The following VAV2 variants were observed in gnomAD, a reference collection of about 807,000 sequenced individuals.
VAV2 encodes guanine nucleotide exchange factor VAV2.
Under a neutral mutation model 132.5 loss-of-function variants are expected in VAV2, and 67 were observed. The ratio of observed to expected loss-of-function variants is 0.51; its 90% CI spans 0.42 to 0.62. VAV2 has a LOEUF of 0.62. Among genes scored for constraint, VAV2 ranks in the 20% least tolerant of loss-of-function variants. VAV2 has a pLI of 0.00. For synonymous variants in VAV2, 492 were observed against 443.5 expected (o/e 1.11, Z -1.37); for missense variants, 938 against 1,153.6 (o/e 0.81, Z 2.71).
At chr9:133,786,683 C>T (rs1834239543) in intron 16 of VAV2, among the ~76,000 whole-genome samples, 1 of 152,246 alleles carries the variant, frequency 6.6e-6, no homozygotes, top group South Asian at 2.1e-4. Flanking sequence ...CCCGACTGAG[C>T]AACCCACAAC....
chr9:133,900,428 T>G (rs1839395292), intron 2 of VAV2, among the ~76,000 whole-genome samples: 1 of 152,120 alleles, frequency 6.6e-6, no homozygotes. Flanking sequence ...CCCTTTCCCC[T>G]AAAGCCAGTC....
chr9:133,922,510 C>T (rs1333150512), intron 2 of VAV2, among the ~76,000 whole-genome samples: 2 of 152,196 alleles, frequency 1.3e-5, no homozygotes, highest in Admixed American at 6.5e-5. Context: ...GCTGCCAACC[C>T]GCAGGCTGTA....
intron 8 of VAV2, among the ~76,000 whole-genome samples, chr9:133,806,922 G>C (rs1835170539): frequency 6.6e-6 from 1 of 152,250 alleles, no homozygotes; most frequent in African/African-American, 2.4e-5. Flanking sequence ...CCGCAGGGCA[G>C]GCGAGGGGGT....
rs1258996994 is a variant in VAV2, at chr9:133,961,418, G to A, written c.205-22199C>T. Among the ~76,000 whole-genome samples, 3 of 152,172 alleles carry A rather than the reference G, an allele frequency of 2.0e-5. No homozygotes were observed. Among genetic ancestry groups the A allele is most frequent in the African/African-American group, 7.2e-5 (3 of 41,430 alleles). The stretch of plus-strand genomic sequence containing the variant: ...CAGGCTTCTGATGGGAACGGAGGTT[G>A]GGAACACCAGCATCTGGGGCTGCAG... On this transcript the variant is annotated intron_variant, in intron 1 of 29. Transcript: ENST00000371850. This position sits in a 1 kb window ranked among gnomAD's most constrained non-coding sequence, Gnocchi z 4.1.
chr9:133,862,221 A>G (rs1393041625), intron 2 of VAV2, among the ~76,000 whole-genome samples: 2 of 152,246 alleles, frequency 1.3e-5, no homozygotes, highest in Non-Finnish European at 2.9e-5. Context: ...AAAGCCCAAC[A>G]CAGCCACTCC....
rs1416372712 is a variant in VAV2 at position 133,796,424 on chromosome 9, C to T, written c.1032+5G>A. 6.2e-7 allele frequency: 1 copy of T among 1,612,422 alleles called. No individual in the cohort carries two copies. Among genetic ancestry groups the T allele is most frequent in the African/African-American group, 1.3e-5 (1 of 74,898 alleles). On this transcript the variant is annotated splice_donor_5th_base_variant and intron_variant, in intron 11 of 29. Transcript: ENST00000371850. Reference sequence around the variant, plus strand: ...CCCGCAGGCACCCGGGGCCCAGAGCCTCACCTTCAAGAGCAGGTGGTATTT... The same window carrying T: ...CCCGCAGGCACCCGGGGCCCAGAGCTTCACCTTCAAGAGCAGGTGGTATTT...
intron 15 of VAV2, 123 bp from the exon 16 acceptor site, chr9:133,787,383 C>A: frequency 8.6e-7 from 1 of 1,166,076 alleles, no homozygotes. Flanking sequence ...CCCCCAGTGC[C>A]CAGGCTGGGG....
At chr9:133,987,444 T>C (rs1193644249) in intron 1 of VAV2, among the ~76,000 whole-genome samples, 1 of 152,220 alleles carries the variant, frequency 6.6e-6, no homozygotes. Flanking sequence ...AGAGAAGGTC[T>C]TCCAGCAATG....
intron 15 of VAV2, 30 bp from the exon 16 acceptor site, chr9:133,787,290 A>T: frequency 6.4e-7 from 1 of 1,569,880 alleles, no homozygotes; most frequent in South Asian, 1.2e-5. Flanking sequence ...GAGGAAGGGG[A>T]AGACGGTCAG....
Position 133,826,821 on chromosome 9 carries a change from G to A in VAV2, c.449+7451C>T, listed in dbSNP as rs1836006464. On this transcript the variant is annotated intron_variant, in intron 4 of 29. Coordinates refer to ENST00000371850, the MANE Select transcript of VAV2 (RefSeq NM_001134398.2). The surrounding 1 kb of genome is among the most constrained non-coding windows in gnomAD (Gnocchi z 4.2). ...CCGGCACCACGGGAGGGAGGGCAGA[G>A]GCAGGCGGCCTGGCCCTGCTGGGGA... is the stretch of plus-strand genomic sequence containing the variant. 6.6e-6 allele frequency among the ~76,000 whole-genome samples: 1 copy of A among 152,214 alleles called. No homozygotes were observed. The highest frequency in any genetic ancestry group is 1.5e-5 in the Non-Finnish European group (1 of 68,034).
At chr9:133,979,533 T>C (rs1218499124) in intron 1 of VAV2, among the ~76,000 whole-genome samples, 1 of 152,032 alleles carries the variant, frequency 6.6e-6, no homozygotes, top group Non-Finnish European at 1.5e-5. Flanking sequence ...GGACAGAGGA[T>C]GTTGACAGGG....
chr9:133,896,104 G>T (rs1839190945), intron 2 of VAV2, among the ~76,000 whole-genome samples: 1 of 83,214 alleles, frequency 1.2e-5, no homozygotes, highest in Admixed American at 1.1e-4. Context: ...GTGTCCCTGG[G>T]TACTTAAGAT....
At chr9:133,861,669 G>A (rs1837601788) in intron 2 of VAV2, among the ~76,000 whole-genome samples, 1 of 152,184 alleles carries the variant, frequency 6.6e-6, no homozygotes, top group African/African-American at 2.4e-5. Context: ...CGGCTCCTGT[G>A]GCCATGCTGC....
intron 2 of VAV2, among the ~76,000 whole-genome samples, chr9:133,897,648 G>T (rs1024478619): frequency 6.6e-6 from 1 of 152,144 alleles, no homozygotes; most frequent in African/African-American, 2.4e-5. Context: ...AAAAGGTGTG[G>T]CTCTAAGCCC....
rs901986308 is a variant in VAV2 at position 133,863,623 on chromosome 9, A to C, written c.322-2191T>G. ...AGGATGAACGTGTCACGAGCAGCTG[A>C]TGAAGGGCTCTGGAGGGCCTGCAGC... On this transcript the variant is annotated intron_variant, in intron 2 of 29. Transcript: ENST00000371850. The surrounding 1 kb of genome is among the most constrained non-coding windows in gnomAD (Gnocchi z 5.0). Among the ~76,000 whole-genome samples the C allele has an allele frequency of 1.3e-5, 2 of 152,112 alleles. No homozygotes were observed. The highest frequency in any genetic ancestry group is 2.9e-5 in the Non-Finnish European group (2 of 68,008).
At chr9:133,947,623 C>T (rs1429066755) in intron 1 of VAV2, among the ~76,000 whole-genome samples, 1 of 150,010 alleles carries the variant, frequency 6.7e-6, no homozygotes, top group Non-Finnish European at 1.5e-5. Context: ...CGATTGAACT[C>T]GGGAGGTGGA....
At chr9:133,973,314 G>A (rs373159373) in intron 1 of VAV2, among the ~76,000 whole-genome samples, 2 of 152,274 alleles carry the variant, frequency 1.3e-5, no homozygotes, top group East Asian at 1.9e-4. Context: ...GCGCTGTACC[G>A]CGAAACTCGG....
intron 25 of VAV2, among the ~76,000 whole-genome samples, chr9:133,772,593 G>A (rs1233292467): frequency 1.3e-5 from 2 of 151,950 alleles, no homozygotes; most frequent in Admixed American, 6.5e-5. Context: ...CCTTACAGAG[G>A]AGCCCCCATA....
At chr9:133,836,010 G>A (rs539671003) in intron 3 of VAV2, among the ~76,000 whole-genome samples, 5 of 152,324 alleles carry the variant, frequency 3.3e-5, no homozygotes, top group South Asian at 4.1e-4. Context: ...CAGTTGAGGT[G>A]TGTGTCCCTG....
Sources: allele counts gnomAD v4.1 joint callset (sites outside exome capture counted in the v4.1 genomes callset), GRCh38; gene constraint gnomAD v4.1.1; non-coding constraint Gnocchi (gnomAD v3.1); transcripts MANE v1.5; gene names NCBI Gene and HGNC (gene_info 2026-07-23, HGNC 2026-07-21).